Variants in INPP4B observed in about 807,000 individuals in gnomAD.
The protein encoded by INPP4B is inositol polyphosphate 4-phosphatase type II.
Under a neutral mutation model 122.5 loss-of-function variants are expected in INPP4B, and 55 were observed. The ratio of observed to expected loss-of-function variants is 0.45; its 90% CI spans 0.36 to 0.56. INPP4B has a LOEUF of 0.56. INPP4B is among the 20% of genes least tolerant of loss of function. INPP4B has a pLI of 0.00. For missense variants in INPP4B, 1,000 were observed against 1,097.7 expected (o/e 0.91, Z 1.26); for synonymous variants, 403 against 388.7 (o/e 1.04, Z -0.43).
At chr4:142,279,779 T>A (rs1418729730) in intron 9 of INPP4B, among the ~76,000 whole-genome samples, 1 of 151,900 alleles carries the variant, frequency 6.6e-6, no homozygotes, top group Admixed American at 6.6e-5. Context: ...ATTTGCTCTG[T>A]CAAAGACATG....
intron 5 of INPP4B, among the ~76,000 whole-genome samples, chr4:142,423,030 G>A (rs6820232): frequency 0.21 from 32,477 of 151,912 alleles, 4,455 homozygotes; most frequent in Middle Eastern, 0.31. Context: ...CCTTCAGCTA[G>A]CATGCCATGT....
intron 2 of INPP4B, among the ~76,000 whole-genome samples, chr4:142,521,994 G>A (rs1425524): frequency 0.72 from 109,525 of 152,006 alleles, 40,366 homozygotes; most frequent in Middle Eastern, 0.84. Flanking sequence ...CCTAATATCT[G>A]TATCACAACA....
chr4:142,764,898 A>G (rs1661643411), intron 1 of INPP4B, among the ~76,000 whole-genome samples: 1 of 152,092 alleles, frequency 6.6e-6, no homozygotes, highest in South Asian at 2.1e-4. Context: ...GAAAGGACAA[A>G]GGGAACCATG....
At chr4:142,728,004 G>A (rs1388966532) in intron 1 of INPP4B, among the ~76,000 whole-genome samples, 2 of 152,130 alleles carry the variant, frequency 1.3e-5, no homozygotes, top group Non-Finnish European at 2.9e-5. Context: ...CAGGTAAGCA[G>A]GTATGTCTTT....
chr4:142,490,560 G>A (rs1032793348), intron 2 of INPP4B, among the ~76,000 whole-genome samples: 5 of 151,814 alleles, frequency 3.3e-5, no homozygotes, highest in Non-Finnish European at 7.4e-5. Flanking sequence ...ATTTTTTGTG[G>A]TGAAAACATT....
At chr4:142,493,991 C>G (rs760636632) in intron 2 of INPP4B, among the ~76,000 whole-genome samples, 27 of 152,228 alleles carry the variant, frequency 1.8e-4, no homozygotes, top group Non-Finnish European at 3.4e-4. Flanking sequence ...TGGTTACTTC[C>G]ATGCTGTTCT....
chr4:142,125,697 A>C (rs1006963884), intron 18 of INPP4B, among the ~76,000 whole-genome samples: 1 of 151,840 alleles, frequency 6.6e-6, no homozygotes, highest in African/African-American at 2.4e-5. Flanking sequence ...TTCCATGAAG[A>C]TTGGGTTGAG....
chr4:142,415,861 G>A (rs1463312147), intron 5 of INPP4B, among the ~76,000 whole-genome samples: 7 of 152,054 alleles, frequency 4.6e-5, no homozygotes. Context: ...TAGGGACATG[G>A]ATGAAGCTGG....
rs180909483 is a variant in INPP4B at position 142,484,083 on chromosome 4, C to G, written c.-190-21357G>C. On this transcript the variant is annotated intron_variant, in intron 2 of 25. Coordinates refer to ENST00000262992, the MANE Select transcript of INPP4B (RefSeq NM_001101669.3). ...ATTAAAGAAGATGCAGAAAGGAACA[C>G]CTAAAACAGGCAAATGAAGTGTGAG... is the stretch of plus-strand genomic sequence containing the variant. Among the ~76,000 whole-genome samples, 63 of 152,098 alleles carry G rather than the reference C, an allele frequency of 4.1e-4. No individual in the cohort carries two copies. In the East Asian group the frequency reaches 6.6e-3, roughly 16 times the overall value.
intron 2 of INPP4B, among the ~76,000 whole-genome samples, chr4:142,575,481 A>G (rs944962269): frequency 6.6e-6 from 1 of 152,038 alleles, no homozygotes; most frequent in Non-Finnish European, 1.5e-5. Context: ...TCTGTCTCAT[A>G]TATTTCTGTT....
intron 2 of INPP4B, among the ~76,000 whole-genome samples, chr4:142,562,829 A>C (rs1417370332): frequency 6.6e-6 from 1 of 152,212 alleles, no homozygotes; most frequent in Non-Finnish European, 1.5e-5. Context: ...GTTACTTGCA[A>C]AATGTTAGAT....
intron 5 of INPP4B, among the ~76,000 whole-genome samples, chr4:142,422,789 G>A (rs960373165): frequency 6.6e-6 from 1 of 152,024 alleles, no homozygotes; most frequent in African/African-American, 2.4e-5. Flanking sequence ...GCTCTAGTCT[G>A]GGTGACCGAG....
At chr4:142,252,849 T>C (rs1333489185) in intron 11 of INPP4B, among the ~76,000 whole-genome samples, 1 of 152,182 alleles carries the variant, frequency 6.6e-6, no homozygotes, top group Non-Finnish European at 1.5e-5. Context: ...ATCCAATAGC[T>C]AAAAGAAATT....
intron 25 of INPP4B, among the ~76,000 whole-genome samples, chr4:142,048,797 G>A (rs781286272): frequency 6.6e-6 from 1 of 151,996 alleles, no homozygotes; most frequent in East Asian, 1.9e-4. Flanking sequence ...TGAAAATACT[G>A]TGCATGGTAG....
chr4:142,239,676 A>G (rs1237322346), intron 11 of INPP4B, among the ~76,000 whole-genome samples: 1 of 152,132 alleles, frequency 6.6e-6, no homozygotes, highest in Non-Finnish European at 1.5e-5. Context: ...TATGTACTAA[A>G]TTTATTATGG....
intron 18 of INPP4B, among the ~76,000 whole-genome samples, chr4:142,134,687 G>A (rs1286836491): frequency 2.0e-5 from 3 of 151,144 alleles, no homozygotes; most frequent in Admixed American, 1.3e-4. Context: ...ATCCCAGCTG[G>A]TTGGGAGGCT....
At position 142,845,983 on chromosome 4, in the gene INPP4B, A is replaced by G. The variant is rs575236957; in HGVS notation, c.-254+226T>C. On this transcript the variant is annotated intron_variant, in intron 1 of 25. Coordinates refer to ENST00000262992, the MANE Select transcript of INPP4B (RefSeq NM_001101669.3). The stretch of plus-strand genomic sequence containing the variant: ...GTAGGCGCGGTGACAGGGGTACCCC[A>G]GCAGCCGAGGAGAGACAGCCCACCC... Among the ~76,000 whole-genome samples, 162 of 152,070 alleles carry G rather than the reference A, an allele frequency of 1.1e-3. 1 individual carries two copies. The highest frequency in any genetic ancestry group is 3.7e-3 in the African/African-American group (155 of 41,496).
At chr4:142,741,992 A>G (rs1480871222) in intron 1 of INPP4B, among the ~76,000 whole-genome samples, 1 of 152,034 alleles carries the variant, frequency 6.6e-6, no homozygotes, top group African/African-American at 2.4e-5. Context: ...GAGTTTTCCA[A>G]GCAGAATAAA....
At chr4:142,170,801 T>G (rs1825257227) in intron 16 of INPP4B, among the ~76,000 whole-genome samples, 1 of 151,762 alleles carries the variant, frequency 6.6e-6, no homozygotes, top group African/African-American at 2.4e-5. Flanking sequence ...TTTTCTACCT[T>G]TTCTGTTGAG....
Sources: gnomAD v4.1 joint callset for allele counts (sites outside exome capture counted in the v4.1 genomes callset) on GRCh38, gnomAD v4.1.1 for gene constraint, MANE v1.5 for transcripts, NCBI Gene and HGNC (gene_info 2026-07-23, HGNC 2026-07-21) for gene names.